MARCHF1: variants seen among roughly 807,000 people sequenced by gnomAD.
The protein encoded by MARCHF1 is membrane associated ring-CH-type finger 1.
Under a neutral mutation model 54.2 loss-of-function variants are expected in MARCHF1, and 40 were observed. The observed-to-expected ratio is 0.74, with a 90% CI of 0.57 to 0.96. The LOEUF (loss-of-function observed/expected upper bound fraction) is 0.96, where lower values mean the gene tolerates loss of function less well. MARCHF1 is among the 40% of genes least tolerant of loss of function. The pLI is 0.00. For missense variants in MARCHF1, 586 were observed against 656.5 expected (o/e 0.89, Z 1.17); for synonymous variants, 236 against 236.3 (o/e 1.00, Z 0.01).
intron 4 of MARCHF1, among the ~76,000 whole-genome samples, chr4:163,790,018 T>C (rs1479343006): frequency 6.6e-6 from 1 of 152,076 alleles, no homozygotes; most frequent in Non-Finnish European, 1.5e-5. Context: ...AAAAAGTAGG[T>C]TCATGATAAA....
intron 1 of MARCHF1, among the ~76,000 whole-genome samples, chr4:164,274,762 C>T (rs1316730712): frequency 6.9e-6 from 1 of 145,850 alleles, no homozygotes; most frequent in South Asian, 2.2e-4. Flanking sequence ...CTGCAAGCTC[C>T]GTCTCCCGAG....
chr4:164,099,912 G>A (rs1174802302), intron 2 of MARCHF1, among the ~76,000 whole-genome samples: 1 of 152,084 alleles, frequency 6.6e-6, no homozygotes, highest in African/African-American at 2.4e-5. Flanking sequence ...CAAGGAAGAA[G>A]AAATAAGTGT....
intron 3 of MARCHF1, among the ~76,000 whole-genome samples, chr4:163,977,470 C>A (rs1337431157): frequency 6.6e-6 from 1 of 152,112 alleles, no homozygotes; most frequent in Non-Finnish European, 1.5e-5. Context: ...ATAAGCCCCT[C>A]AATGATAATA....
intron 2 of MARCHF1, among the ~76,000 whole-genome samples, chr4:164,037,731 T>A (rs953391673): frequency 2.0e-5 from 3 of 152,168 alleles, no homozygotes; most frequent in African/African-American, 7.2e-5. Context: ...AAACACTACC[T>A]ACAGCCAGAT....
At chr4:164,235,734 A>C (rs1732532246) in intron 1 of MARCHF1, among the ~76,000 whole-genome samples, 1 of 151,980 alleles carries the variant, frequency 6.6e-6, no homozygotes. Context: ...GAGACTCAGA[A>C]GGGGAAGAGT....
chr4:163,714,897 G>T (rs1745212902), intron 4 of MARCHF1, among the ~76,000 whole-genome samples: 1 of 152,040 alleles, frequency 6.6e-6, no homozygotes, highest in Admixed American at 6.5e-5. Context: ...GCCCAGGCTG[G>T]TCTTGAACTC....
chr4:163,791,500 A>AT (rs1747773606), intron 4 of MARCHF1, among the ~76,000 whole-genome samples: 2 of 152,036 alleles, frequency 1.3e-5, no homozygotes, highest in Admixed American at 1.3e-4. Flanking sequence ...CAAAAACAAA[A>AT]TTTTTTTATG....
chr4:163,828,963 G>T (rs1748936561), intron 4 of MARCHF1: 1 of 152,194 alleles, frequency 6.6e-6, no homozygotes, highest in Non-Finnish European at 1.5e-5. Flanking sequence ...TGCTGGTAAG[G>T]TCATTCTCTT....
chr4:163,904,245 AG>A (rs1212032104), intron 3 of MARCHF1, among the ~76,000 whole-genome samples: 3 of 152,238 alleles, frequency 2.0e-5, no homozygotes, highest in Non-Finnish European at 4.4e-5. Context: ...TTTGAATCAC[AG>A]AATCCACAAA....
intron 5 of MARCHF1, among the ~76,000 whole-genome samples, chr4:163,668,756 T>C (rs899392874): frequency 6.6e-6 from 1 of 152,108 alleles, no homozygotes; most frequent in Non-Finnish European, 1.5e-5. Flanking sequence ...AAACCAAATA[T>C]AGCAGAATCC....
At chr4:163,983,562 G>A (rs1426125743) in intron 3 of MARCHF1, among the ~76,000 whole-genome samples, 1 of 152,084 alleles carries the variant, frequency 6.6e-6, no homozygotes, top group African/African-American at 2.4e-5. Flanking sequence ...AGGTTTGGGG[G>A]TTACATTTAC....
At position 163,669,177 on chromosome 4, in the gene MARCHF1, T is replaced by C. The variant is rs76570034; in HGVS notation, c.162+31636A>G. 6.8e-3 allele frequency among the ~76,000 whole-genome samples: 1,037 copies of C among 152,274 alleles called. 14 individuals carry two copies. Among genetic ancestry groups the C allele is most frequent in the Middle Eastern group, 0.031 (9 of 294 alleles). Reference sequence around the variant, plus strand: ...GTACGTACATTGGTCTTTCTTTTTCTGAGTGAACGCTGACTTGGCTCTGGT... The same window carrying C: ...GTACGTACATTGGTCTTTCTTTTTCCGAGTGAACGCTGACTTGGCTCTGGT... On this transcript the variant is annotated intron_variant, in intron 5 of 9. Coordinates refer to ENST00000514618, the MANE Select transcript of MARCHF1 (RefSeq NM_001394959.1).
chr4:164,185,662 G>A (rs61627270), intron 1 of MARCHF1, among the ~76,000 whole-genome samples: 23,767 of 151,936 alleles, frequency 0.16, 2,634 homozygotes, highest in African/African-American at 0.3. Flanking sequence ...TGGAGAGTTT[G>A]AAAGTAGACT....
At chr4:164,271,157 T>C (rs571921668) in intron 1 of MARCHF1, among the ~76,000 whole-genome samples, 2 of 152,292 alleles carry the variant, frequency 1.3e-5, no homozygotes, top group Admixed American at 6.5e-5. Context: ...GGGAGAATAA[T>C]GGCCCTCAAA....
intron 3 of MARCHF1, among the ~76,000 whole-genome samples, chr4:163,918,409 G>A (rs913713139): frequency 6.6e-6 from 1 of 152,082 alleles, no homozygotes; most frequent in Non-Finnish European, 1.5e-5. Context: ...TCTACTCTAA[G>A]AGCACACACA....
chr4:163,896,578 T>G (rs770380975), intron 3 of MARCHF1, among the ~76,000 whole-genome samples: 2 of 152,236 alleles, frequency 1.3e-5, no homozygotes, highest in Non-Finnish European at 2.9e-5. Context: ...CGAATGCTTA[T>G]GACTTCTCAC....
intron 4 of MARCHF1, among the ~76,000 whole-genome samples, chr4:163,733,389 T>G (rs1745937818): frequency 7.0e-6 from 1 of 142,560 alleles, no homozygotes; most frequent in East Asian, 2.0e-4. Context: ...TAAAAAGCAC[T>G]GGAAATGGTT....
intron 2 of MARCHF1, among the ~76,000 whole-genome samples, chr4:164,019,503 G>A (rs1250462104): frequency 6.6e-6 from 1 of 152,108 alleles, no homozygotes; most frequent in Non-Finnish European, 1.5e-5. Context: ...CCATTGTTGA[G>A]GGAAATAGAA....
intron 3 of MARCHF1, among the ~76,000 whole-genome samples, chr4:163,873,084 C>CAA (rs1248246825): frequency 6.9e-6 from 1 of 144,980 alleles, no homozygotes; most frequent in African/African-American, 2.7e-5. Flanking sequence ...AACAAACAAA[C>CAA]AAACAAAAAA....
Sources: allele counts gnomAD v4.1 joint callset (sites outside exome capture counted in the v4.1 genomes callset), GRCh38; gene constraint gnomAD v4.1.1; transcripts MANE v1.5; gene names NCBI Gene and HGNC (gene_info 2026-07-23, HGNC 2026-07-21).